The following ARID4B variants were observed in gnomAD, a reference collection of about 807,000 sequenced individuals.
The protein encoded by ARID4B is AT-rich interaction domain 4B.
Under a neutral mutation model 147.5 loss-of-function variants are expected in ARID4B, and 26 were observed. That is an observed-to-expected ratio of 0.18 (90% confidence interval 0.13 to 0.24). The LOEUF (loss-of-function observed/expected upper bound fraction) is 0.24, where lower values mean the gene tolerates loss of function less well. ARID4B is among the 10% of genes least tolerant of loss of function. The pLI is 1.00. For missense variants in ARID4B, 1,179 were observed against 1,511.5 expected (o/e 0.78, Z 3.65); for synonymous variants, 512 against 507.9 (o/e 1.01, Z -0.11).
chr1:235,275,299 G>A (rs1382378419), intron 2 of ARID4B, among the ~76,000 whole-genome samples: 2 of 152,172 alleles, frequency 1.3e-5, no homozygotes, highest in Admixed American at 1.3e-4. Flanking sequence ...TGGGCCGATC[G>A]GTTTTACTCT....
At chr1:235,263,285 A>G (rs1348343264) in intron 2 of ARID4B, among the ~76,000 whole-genome samples, 2 of 152,358 alleles carry the variant, frequency 1.3e-5, no homozygotes, top group East Asian at 3.8e-4. Context: ...GAACATATAA[A>G]AATTTAGGAA....
chr1:235,228,028 G>A (rs1667943036), intron 11 of ARID4B, among the ~76,000 whole-genome samples: 2 of 151,398 alleles, frequency 1.3e-5, no homozygotes, highest in Non-Finnish European at 2.9e-5. Flanking sequence ...AAGAGACGGG[G>A]TTTCACCATG....
chr1:235,313,814 T>C (rs565012622), intron 2 of ARID4B, among the ~76,000 whole-genome samples: 3 of 152,064 alleles, frequency 2.0e-5, no homozygotes, highest in Non-Finnish European at 2.9e-5. Context: ...GAGCAAAGAG[T>C]TCTTGGAATA....
Position 235,216,632 on chromosome 1 carries a change from C to T in ARID4B, c.1584-2606G>A, listed in dbSNP as rs144938833. Among the ~76,000 whole-genome samples the T allele has an allele frequency of 3.1e-3, 467 of 151,922 alleles. 3 individuals are homozygous for T. The highest frequency in any genetic ancestry group is 0.011 in the African/African-American group (446 of 41,418). On this transcript the variant is annotated intron_variant, in intron 16 of 23. Transcript: ENST00000264183. ...TGCAGGGATTACAGGCATGAGCCAC[C>T]GCACCCAGCCTGAGATTAAAATATT...
chr1:235,232,227 C>A (rs1166080975), intron 9 of ARID4B, among the ~76,000 whole-genome samples: 1 of 152,012 alleles, frequency 6.6e-6, no homozygotes, highest in Non-Finnish European at 1.5e-5. Context: ...CAAGACCAGC[C>A]TGACCAACAT....
intron 23 of ARID4B, among the ~76,000 whole-genome samples, chr1:235,169,290 G>A (rs537261516): frequency 2.1e-4 from 32 of 152,146 alleles, no homozygotes; most frequent in Admixed American, 1.3e-3. Flanking sequence ...GCCCAGGCTG[G>A]AGTGCAGTGG....
At chr1:235,319,013 G>C (rs1014901198) in intron 2 of ARID4B, among the ~76,000 whole-genome samples, 4 of 152,132 alleles carry the variant, frequency 2.6e-5, no homozygotes, top group African/African-American at 7.2e-5. Context: ...CAGATAGCTA[G>C]GGATAAGTAA....
At chr1:235,195,131 TCTC>T (rs1665405610) in intron 18 of ARID4B, among the ~76,000 whole-genome samples, 1 of 152,130 alleles carries the variant, frequency 6.6e-6, no homozygotes, top group Non-Finnish European at 1.5e-5. Flanking sequence ...TGAGAGTAAT[TCTC>T]CTAAGGATGG....
At chr1:235,282,775 TTTTA>T (rs768251794) in intron 2 of ARID4B, among the ~76,000 whole-genome samples, 1 of 152,042 alleles carries the variant, frequency 6.6e-6, no homozygotes, top group Non-Finnish European at 1.5e-5. Context: ...TACTATTTAA[TTTTA>T]TTTATTTATT....
intron 2 of ARID4B, among the ~76,000 whole-genome samples, chr1:235,312,248 C>T (rs1469246362): frequency 2.0e-5 from 3 of 152,038 alleles, no homozygotes; most frequent in Non-Finnish European, 4.4e-5. Context: ...ATCGTGCCAC[C>T]ACACTCTAGT....
At chr1:235,302,153 GAAAAAAAAAAAAAA>G (rs749154889) in intron 2 of ARID4B, among the ~76,000 whole-genome samples, 7 of 30,668 alleles carry the variant, frequency 2.3e-4, no homozygotes, top group Admixed American at 1.2e-3. Flanking sequence ...TCAAAAAACG[GAAAAAAAAAAAAAA>G]AAAAAAAAAA....
chr1:235,302,204 A>C (rs1237179965), intron 2 of ARID4B, among the ~76,000 whole-genome samples: 1 of 136,874 alleles, frequency 7.3e-6, no homozygotes, highest in African/African-American at 2.7e-5. Flanking sequence ...AGAAACAAGG[A>C]AAAGGAAGGG....
At chr1:235,265,933 G>A (rs1670579250) in intron 2 of ARID4B, among the ~76,000 whole-genome samples, 5 of 152,010 alleles carry the variant, frequency 3.3e-5, no homozygotes, top group Admixed American at 3.3e-4. Flanking sequence ...AACCTGGGAG[G>A]CAATTGTTTT....
chr1:235,179,549 A>C (rs1664141317), intron 20 of ARID4B, among the ~76,000 whole-genome samples: 1 of 149,938 alleles, frequency 6.7e-6, no homozygotes, highest in Non-Finnish European at 1.5e-5. Flanking sequence ...AAAAAAAAAA[A>C]AAAACCCAAC....
intron 16 of ARID4B, among the ~76,000 whole-genome samples, chr1:235,219,494 C>T (rs1667301460): frequency 6.6e-6 from 1 of 152,056 alleles, no homozygotes; most frequent in African/African-American, 2.4e-5. Context: ...ATGGACATAG[C>T]CCCAAGTTTA....
intron 2 of ARID4B, among the ~76,000 whole-genome samples, chr1:235,294,713 C>G (rs11802296): frequency 0.29 from 43,956 of 150,508 alleles, 7,600 homozygotes; most frequent in South Asian, 0.53. Context: ...GGGGTTTCAC[C>G]ATGTTGGCCA....
chr1:235,234,364 C>T (rs1167747219), intron 9 of ARID4B, 49 bp downstream of exon 9: 26 of 1,171,156 alleles, frequency 2.2e-5, no homozygotes, highest in Non-Finnish European at 3.1e-5. Context: ...TTCAAAATAA[C>T]AGCATATATT....
intron 2 of ARID4B, among the ~76,000 whole-genome samples, chr1:235,286,449 CAGT>C: frequency 6.6e-6 from 1 of 152,310 alleles, no homozygotes; most frequent in South Asian, 2.1e-4. Context: ...ATCTGTTAAA[CAGT>C]TAAGTTACCA....
chr1:235,268,982 G>C lies in ARID4B; in HGVS notation c.7-8230C>G, dbSNP rs146546062. ...GGTTTTCCTCTTACTGGTCAAATGG[G>C]GGAAAGTTTGAGCATTAAAATAAAT... is the stretch of plus-strand genomic sequence containing the variant. On this transcript the variant is annotated intron_variant, in intron 2 of 23. Transcript: ENST00000264183. 8.9e-4 allele frequency among the ~76,000 whole-genome samples: 135 copies of C among 152,196 alleles called. 1 individual carries two copies. The highest frequency in any genetic ancestry group is 6.8e-3 in the Middle Eastern group (2 of 294).
Sources: allele counts gnomAD v4.1 joint callset (sites outside exome capture counted in the v4.1 genomes callset), GRCh38; gene constraint gnomAD v4.1.1; transcripts MANE v1.5; gene names NCBI Gene and HGNC (gene_info 2026-07-23, HGNC 2026-07-21).